ZNF469: variants seen among roughly 807,000 people sequenced by gnomAD.
ZNF469 encodes zinc finger protein 469.
Under a neutral mutation model 1.0 loss-of-function variants are expected in ZNF469, and 1 was observed. The observed-to-expected ratio is 1.00, with a 90% CI of 0.35 to 4.73. ZNF469 has a LOEUF of 4.73. ZNF469 is among the 30% of genes most tolerant of loss of function. The pLI is 0.16. For missense variants in ZNF469, 6,100 were observed against 5,356.3 expected, an observed-to-expected ratio of 1.14 and a Z score of -4.33; for synonymous variants, 2,703 against 2,363.4, an observed-to-expected ratio of 1.14 and a Z score of -4.17.
At chr16:88,140,327 G>A in the ZNF469 span, among the ~76,000 whole-genome samples, 10 of 152,234 alleles carry the variant, frequency 6.6e-5, no homozygotes, top group African/African-American at 1.4e-4. Flanking sequence ...TTTAGAAATC[G>A]GAGGGTAGCA....
the ZNF469 span, among the ~76,000 whole-genome samples, chr16:88,318,849 C>T: frequency 6.6e-6 from 1 of 152,258 alleles, no homozygotes. Flanking sequence ...AGCGTCCAGA[C>T]GGCCATCATG....
the ZNF469 span, among the ~76,000 whole-genome samples, chr16:88,143,989 G>A: frequency 7.2e-5 from 11 of 151,976 alleles, no homozygotes; most frequent in East Asian, 1.9e-4. Context: ...CATCGTCAGC[G>A]TTTACGAGGG....
chr16:88,287,261 C>T, the ZNF469 span, among the ~76,000 whole-genome samples: 102 of 152,382 alleles, frequency 6.7e-4, no homozygotes, highest in Non-Finnish European at 1.3e-3. Context: ...CCCAAGTCTC[C>T]TGTCAACGGA....
chr16:88,303,190 T>C, the ZNF469 span, among the ~76,000 whole-genome samples: 2 of 152,226 alleles, frequency 1.3e-5, no homozygotes, highest in Admixed American at 6.5e-5. Flanking sequence ...CAGCCTGTCA[T>C]TGTCGGAGCA....
chr16:88,381,183 C>T (rs1475658648), upstream of ZNF469, among the ~76,000 whole-genome samples: 3 of 140,042 alleles, frequency 2.1e-5, no homozygotes, highest in Non-Finnish European at 4.5e-5. Context: ...CACAGACATG[C>T]ACTCACACAC....
chr16:88,437,647 C>G lies in ZNF469; in HGVS notation c.10177C>G (p.Arg3393Gly), dbSNP rs1412548244. Residue 3393 changes from arginine to glycine, a missense_variant, in exon 3 of 3, where the codon CGG (arginine) becomes GGG (glycine). By Grantham distance (125) the Arg-to-Gly change is moderately radical. Transcript: ENST00000565624. ...HLGGAHGLLE[R>G]PELQHTPLYA... Reference sequence around the variant, plus strand: ...GGGCGGGGCGCACGGGCTGCTGGAGCGGCCGGAGCTGCAGCACACGCCGCT... The same window carrying G: ...GGGCGGGGCGCACGGGCTGCTGGAGGGGCCGGAGCTGCAGCACACGCCGCT... The G allele has an allele frequency of 6.5e-7, 1 of 1,543,388 alleles. No homozygotes were observed. Among genetic ancestry groups the G allele is most frequent in the East Asian group, 2.5e-5 (1 of 40,604 alleles).
chr16:88,398,955 C>G (rs1904778721), intron 1 of ZNF469, among the ~76,000 whole-genome samples: 1 of 152,256 alleles, frequency 6.6e-6, no homozygotes, highest in Non-Finnish European at 1.5e-5. Context: ...ACCACCCCCC[C>G]AGGATCTATT....
the ZNF469 span, among the ~76,000 whole-genome samples, chr16:88,205,999 G>A: frequency 6.6e-6 from 1 of 152,178 alleles, no homozygotes; most frequent in Admixed American, 6.5e-5. This position sits in a 1 kb window ranked among gnomAD's most constrained non-coding sequence, Gnocchi z 4.2. Context: ...AGGACCCTGA[G>A]CCCCCACCCC....
At chr16:88,320,406 C>G in the ZNF469 span, among the ~76,000 whole-genome samples, 5 of 152,170 alleles carry the variant, frequency 3.3e-5, no homozygotes, top group African/African-American at 1.2e-4. Flanking sequence ...TTCTCGGAGA[C>G]AGAATCTTGC....
the ZNF469 span, chr16:88,191,567 CAGG>C: frequency 6.6e-6 from 1 of 152,322 alleles, no homozygotes; most frequent in Admixed American, 6.5e-5. Flanking sequence ...TGAACAAGAG[CAGG>C]AGAAGGACCG....
At chr16:88,245,409 G>A in the ZNF469 span, among the ~76,000 whole-genome samples, 1 of 152,248 alleles carries the variant, frequency 6.6e-6, no homozygotes. Flanking sequence ...TAGGCTCTTG[G>A]CCTCTCCCTC....
the ZNF469 span, among the ~76,000 whole-genome samples, chr16:88,275,981 G>T: frequency 6.6e-6 from 1 of 152,172 alleles, no homozygotes; most frequent in Non-Finnish European, 1.5e-5. Flanking sequence ...ATCCTGGGAG[G>T]CCGTGGCAGC....
chr16:88,428,997 G>C lies in ZNF469; in HGVS notation c.1527G>C (p.Gly509=). The part of the protein sequence containing the change: ...EMLSRLPFPA[G]GPEWQGGSQG... Reference sequence around the variant, plus strand: ...TGAGCCGGCTGCCTTTCCCCGCGGGGGGCCCCGAGTGGCAGGGGGGCAGCC... The same window carrying C: ...TGAGCCGGCTGCCTTTCCCCGCGGGCGGCCCCGAGTGGCAGGGGGGCAGCC... Residue 509 remains glycine, a synonymous_variant, in exon 3 of 3, where the codon GGG becomes GGC. Coordinates refer to ENST00000565624, the MANE Select transcript of ZNF469 (RefSeq NM_001367624.2). The C allele has an allele frequency of 3.9e-6, 6 of 1,549,434 alleles. No homozygotes were observed. The highest frequency in any genetic ancestry group is 5.2e-6 in the Non-Finnish European group (6 of 1,146,704).
the ZNF469 span, among the ~76,000 whole-genome samples, chr16:88,264,618 A>C: frequency 1.2e-5 from 1 of 84,540 alleles, no homozygotes; most frequent in African/African-American, 4.5e-5. Flanking sequence ...TTCCTCCCAC[A>C]TCCCCCTCCC....
chr16:88,279,261 C>G, the ZNF469 span, among the ~76,000 whole-genome samples: 1 of 151,192 alleles, frequency 6.6e-6, no homozygotes, highest in Non-Finnish European at 1.5e-5. Flanking sequence ...CGCCGATGCT[C>G]GGTCAGTACC....
At chr16:88,256,896 T>TCTCTCTCTCTCTCTCTCTCTCTCTC in the ZNF469 span, among the ~76,000 whole-genome samples, 2 of 27,120 alleles carry the variant, frequency 7.4e-5, no homozygotes, top group South Asian at 1.3e-3. Context: ...TTTTCTTTCC[T>TCTCTCTCTCTCTCTCTCTCTCTCTC]TCTTTCTTTC....
the ZNF469 span, among the ~76,000 whole-genome samples, chr16:88,344,623 G>T: frequency 1.3e-5 from 2 of 152,190 alleles, no homozygotes; most frequent in African/African-American, 4.8e-5. Flanking sequence ...TGCCTCTGCT[G>T]CTGTGCACCC....
At chr16:88,362,106 T>C in the ZNF469 span, among the ~76,000 whole-genome samples, 1 of 152,258 alleles carries the variant, frequency 6.6e-6, no homozygotes. Context: ...CTTTGTTCTT[T>C]TCAATGTTGC....
At chr16:88,234,155 G>A in the ZNF469 span, among the ~76,000 whole-genome samples, 1 of 152,214 alleles carries the variant, frequency 6.6e-6, no homozygotes, top group Non-Finnish European at 1.5e-5. Flanking sequence ...CAGTCCCCGA[G>A]GAGGTGGTTG....
Sources: allele counts gnomAD v4.1 joint callset (sites outside exome capture counted in the v4.1 genomes callset), GRCh38; gene constraint gnomAD v4.1.1; non-coding constraint Gnocchi (gnomAD v3.1); transcripts MANE v1.5; gene names NCBI Gene and HGNC (gene_info 2026-07-23, HGNC 2026-07-21).